Variants in CDH8 observed in about 807,000 individuals in gnomAD.
CDH8 encodes cadherin-8.
CDH8 carries 17 observed loss-of-function variants against 68.1 expected under a neutral mutation model. The observed-to-expected ratio is 0.25, with a 90% CI of 0.17 to 0.37. The LOEUF (loss-of-function observed/expected upper bound fraction) is 0.37. Ranked by LOEUF, CDH8 falls within the 10% of genes least tolerant of loss-of-function variation. CDH8 has a pLI of 1.00. For missense variants in CDH8, 763 were observed against 999.3 expected, an observed-to-expected ratio of 0.76 and a Z score of 3.19; for synonymous variants, 372 against 365.1, an observed-to-expected ratio of 1.02 and a Z score of -0.21.
chr16:61,768,907 A>G (rs1486039951), intron 8 of CDH8, among the ~76,000 whole-genome samples: 1 of 151,778 alleles, frequency 6.6e-6, no homozygotes, highest in Non-Finnish European at 1.5e-5. Flanking sequence ...TTCTCAAACA[A>G]TTTGGTCTCA....
intron 10 of CDH8, among the ~76,000 whole-genome samples, chr16:61,656,446 C>T (rs796155756): frequency 2.0e-5 from 3 of 152,198 alleles, no homozygotes; most frequent in African/African-American, 7.2e-5. Context: ...TTGAGAAGCT[C>T]TGTATTAAAA....
At chr16:61,708,490 G>A (rs1162756175) in intron 10 of CDH8, among the ~76,000 whole-genome samples, 3 of 152,026 alleles carry the variant, frequency 2.0e-5, no homozygotes, top group Non-Finnish European at 4.4e-5. Context: ...TACAATTTTA[G>A]AAAGAAAATG....
chr16:61,684,996 G>A lies in CDH8; in HGVS notation c.1654+28845C>T, dbSNP rs553008977. On this transcript the variant is annotated intron_variant, in intron 10 of 11. Coordinates refer to ENST00000577390, the MANE Select transcript of CDH8 (RefSeq NM_001796.5). ...ATTACTGTCAATATTTAAGTTACCCGCCTATTTCCTGTTTGGTTTTTAGCA... is the reference window on the plus strand; with the variant it reads ...ATTACTGTCAATATTTAAGTTACCCACCTATTTCCTGTTTGGTTTTTAGCA... Among the ~76,000 whole-genome samples the A allele has an allele frequency of 4.1e-4, 62 of 151,886 alleles. 1 individual carries two copies. Among genetic ancestry groups the A allele is most frequent in the Non-Finnish European group, 1.6e-4 (11 of 67,906 alleles).
At chr16:61,738,031 TGTCTAATGAACAAAGCTTATAAG>T (rs767054008) in intron 8 of CDH8, among the ~76,000 whole-genome samples, 8 of 152,166 alleles carry the variant, frequency 5.3e-5, no homozygotes, top group Admixed American at 1.3e-4. Context: ...GGGGCTTTAG[TGTCTAATGAACAAAGCTTATAAG>T]TTATAGCCTT....
intron 2 of CDH8, among the ~76,000 whole-genome samples, chr16:61,979,120 C>G (rs1219646110): frequency 1.3e-5 from 2 of 151,064 alleles, no homozygotes; most frequent in Non-Finnish European, 2.9e-5. Context: ...AAACAACGGG[C>G]CAGAAGTAAA....
chr16:61,756,864 T>A (rs1960333492), intron 8 of CDH8, among the ~76,000 whole-genome samples: 1 of 152,164 alleles, frequency 6.6e-6, no homozygotes. Flanking sequence ...CATAGCTCCA[T>A]CTTCCTGTGT....
At chr16:61,914,543 A>G (rs1406445951) in intron 2 of CDH8, among the ~76,000 whole-genome samples, 1 of 152,086 alleles carries the variant, frequency 6.6e-6, no homozygotes, top group African/African-American at 2.4e-5. Flanking sequence ...ATCTAATCAC[A>G]TGAATCCTTA....
Position 61,650,050 on chromosome 16 carries a change from T to C in CDH8, c.*3558A>G, listed in dbSNP as rs573331051. ...CACATACACTTAACTGCAGATTTTT[T>C]TCAAAACAGTTTCACTTTAAAGTTT... On this transcript the variant is annotated 3_prime_UTR_variant, in exon 12 of 12. Coordinates refer to ENST00000577390, the MANE Select transcript of CDH8 (RefSeq NM_001796.5). The C allele has an allele frequency of 3.9e-5, 6 of 152,258 alleles. No homozygotes were observed. Among genetic ancestry groups the C allele is most frequent in the African/African-American group, 1.2e-4 (5 of 41,570 alleles). The allele number at this position is 152,258 out of a possible 1,614,324, so 9.4% of individuals were successfully genotyped here. A position where few individuals can be genotyped will look rare whatever the true frequency, so the allele number is the denominator to read the frequency against.
chr16:61,964,343 A>G (rs912915063), intron 2 of CDH8, among the ~76,000 whole-genome samples: 1 of 152,194 alleles, frequency 6.6e-6, no homozygotes, highest in Non-Finnish European at 1.5e-5. Flanking sequence ...GGAACCGCCC[A>G]GGACAGGGGG....
At chr16:62,020,493 C>CGT (rs893322295) in intron 2 of CDH8, among the ~76,000 whole-genome samples, 1 of 82,622 alleles carries the variant, frequency 1.2e-5, no homozygotes, top group East Asian at 8.1e-4. Context: ...CACACACGCG[C>CGT]GCGCGCACAC....
intron 7 of CDH8, among the ~76,000 whole-genome samples, chr16:61,799,032 G>C (rs1961559913): frequency 6.6e-6 from 1 of 152,086 alleles, no homozygotes; most frequent in Non-Finnish European, 1.5e-5. Flanking sequence ...GGAGTTGTGA[G>C]GATAAACTCT....
At chr16:61,713,693 T>G (rs904448243) in intron 10 of CDH8, 148 bp downstream of exon 10, 6 of 525,088 alleles carry the variant, frequency 1.1e-5, no homozygotes, top group Non-Finnish European at 2.0e-5. Flanking sequence ...AGTAAGGTAA[T>G]TACCATGCCA....
chr16:61,744,945 T>C (rs2142932994), intron 8 of CDH8, among the ~76,000 whole-genome samples: 1 of 151,534 alleles, frequency 6.6e-6, no homozygotes, highest in East Asian at 1.9e-4. Flanking sequence ...ATATATTATT[T>C]TGTATTTTTC....
At chr16:61,689,653 T>C (rs1221338953) in intron 10 of CDH8, among the ~76,000 whole-genome samples, 1 of 152,038 alleles carries the variant, frequency 6.6e-6, no homozygotes, top group African/African-American at 2.4e-5. Context: ...AGTGAAACCA[T>C]CGTTTTGTAA....
chr16:61,800,938 T>C (rs111867083), intron 7 of CDH8, among the ~76,000 whole-genome samples: 1 of 152,182 alleles, frequency 6.6e-6, no homozygotes, highest in African/African-American at 2.4e-5. Flanking sequence ...CAGATAAGGA[T>C]GTCAATCTCC....
chr16:61,663,066 A>T (rs1963600074), intron 10 of CDH8, among the ~76,000 whole-genome samples: 1 of 152,152 alleles, frequency 6.6e-6, no homozygotes, highest in Admixed American at 6.6e-5. Flanking sequence ...GGCTAAGAGC[A>T]CCAGTCATGC....
intron 10 of CDH8, among the ~76,000 whole-genome samples, chr16:61,694,403 C>T (rs576265740): frequency 1.3e-5 from 2 of 152,286 alleles, no homozygotes; most frequent in South Asian, 2.1e-4. Flanking sequence ...CATTTTACAT[C>T]ATCAGTTTTC....
At chr16:61,908,042 CAAAA>C (rs547459147) in intron 2 of CDH8, among the ~76,000 whole-genome samples, 45 of 91,560 alleles carry the variant, frequency 4.9e-4, no homozygotes, top group Non-Finnish European at 5.1e-4. Context: ...GACTCAGTCT[CAAAA>C]AAAAAAAAAA....
chr16:61,661,938 G>A (rs530177980), intron 10 of CDH8, among the ~76,000 whole-genome samples: 2 of 151,234 alleles, frequency 1.3e-5, no homozygotes, highest in Non-Finnish European at 3.0e-5. Context: ...GTTATAGTAG[G>A]CACCTTTACT....
Sources: gnomAD v4.1 joint callset for allele counts (sites outside exome capture counted in the v4.1 genomes callset) on GRCh38, gnomAD v4.1.1 for gene constraint, MANE v1.5 for transcripts, NCBI Gene and HGNC (gene_info 2026-07-23, HGNC 2026-07-21) for gene names.